GPD2: variants seen among roughly 807,000 people sequenced by gnomAD.
The protein encoded by GPD2 is glycerol-3-phosphate dehydrogenase, mitochondrial.
Under a neutral mutation model 82.4 loss-of-function variants are expected in GPD2, and 54 were observed. The ratio of observed to expected loss-of-function variants is 0.66; its 90% CI spans 0.53 to 0.82. GPD2 has a LOEUF of 0.82. GPD2 is among the 40% of genes least tolerant of loss of function. The pLI, the probability that GPD2 is intolerant of heterozygous loss-of-function variation, is 0.00. For missense variants in GPD2, 748 were observed against 896.2 expected (o/e 0.83, Z 2.11); for synonymous variants, 288 against 306.1 (o/e 0.94, Z 0.62).
intron 2 of GPD2, among the ~76,000 whole-genome samples, chr2:156,481,781 A>G (rs2105213297): frequency 6.6e-6 from 1 of 152,050 alleles, no homozygotes; most frequent in Admixed American, 6.6e-5. Context: ...TGCCCGGCCT[A>G]TTTCATTCTT....
the GPD2 span, among the ~76,000 whole-genome samples, chr2:156,403,435 C>G: frequency 3.9e-5 from 6 of 152,208 alleles, no homozygotes; most frequent in East Asian, 1.2e-3. Flanking sequence ...TGGAGCTGCC[C>G]CAACCATCCT....
intron 2 of GPD2, among the ~76,000 whole-genome samples, chr2:156,481,509 A>G (rs1267236417): frequency 6.6e-6 from 1 of 151,556 alleles, no homozygotes; most frequent in Admixed American, 6.6e-5. Context: ...CTCTATTTCT[A>G]TGAGCTCAAT....
intron 2 of GPD2, chr2:156,495,635 CT>C: frequency 2.2e-6 from 1 of 453,084 alleles, no homozygotes; most frequent in South Asian, 1.7e-5. Flanking sequence ...ACATGAAGTC[CT>C]TTTTCCTCCT....
chr2:156,485,659 A>G (rs1683911926), intron 2 of GPD2, among the ~76,000 whole-genome samples: 1 of 152,210 alleles, frequency 6.6e-6, no homozygotes, highest in African/African-American at 2.4e-5. Context: ...CTCACATTAC[A>G]GTTCAGTGTG....
Position 156,473,823 on chromosome 2 carries a change from T to C in GPD2, c.-8-2275T>C, listed in dbSNP as rs143199082. Among the ~76,000 whole-genome samples, 425 of 152,292 alleles carry C rather than the reference T, an allele frequency of 2.8e-3. 2 individuals are homozygous for C. The highest frequency in any genetic ancestry group is 9.7e-3 in the African/African-American group (405 of 41,570). On this transcript the variant is annotated intron_variant, in intron 1 of 16. Coordinates refer to ENST00000438166, the MANE Select transcript of GPD2 (RefSeq NM_000408.5). ...TGAGCTATGACAAATGGGTACCTGC[T>C]AAGTTAGGGTTTTTACTATCCCAGC...
chr2:156,501,208 T>G (rs1488834574), intron 3 of GPD2, among the ~76,000 whole-genome samples: 1 of 152,188 alleles, frequency 6.6e-6, no homozygotes, highest in Non-Finnish European at 1.5e-5. Flanking sequence ...AACCTTTATG[T>G]CTTCAGTTCA....
chr2:156,538,714 G>A lies in GPD2; in HGVS notation c.662-10894G>A, dbSNP rs866483794. On this transcript the variant is annotated intron_variant, in intron 6 of 16. Coordinates refer to ENST00000438166, the MANE Select transcript of GPD2 (RefSeq NM_000408.5). The stretch of plus-strand genomic sequence containing the variant: ...CGGGCTCCTGTAGTCCCAGCTACTC[G>A]GGAGGCTGAGGCAGGAGAATGGTGT... Among the ~76,000 whole-genome samples, 29 of 151,548 alleles carry A rather than the reference G, an allele frequency of 1.9e-4. No homozygotes were observed. The South Asian group carries it at 4.4e-3, about 23-fold the overall frequency.
chr2:156,475,955 T>G, intron 1 of GPD2, 143 bp from the exon 2 acceptor site: 6 of 613,044 alleles, frequency 9.8e-6, no homozygotes, highest in African/African-American at 1.8e-5. Context: ...AGTATACACA[T>G]TGGTTTGTTA....
At chr2:156,408,935 G>C in the GPD2 span, among the ~76,000 whole-genome samples, 1 of 152,140 alleles carries the variant, frequency 6.6e-6, no homozygotes, top group Non-Finnish European at 1.5e-5. Flanking sequence ...AGGTGATCAA[G>C]TAAAGATGAG....
intron 13 of GPD2, among the ~76,000 whole-genome samples, chr2:156,578,598 C>A (rs1337898280): frequency 6.6e-6 from 1 of 152,104 alleles, no homozygotes; most frequent in Non-Finnish European, 1.5e-5. Context: ...ACTCTGGTGA[C>A]AAGAAGCCAG....
chr2:156,517,586 G>T (rs1685246216), intron 6 of GPD2, among the ~76,000 whole-genome samples: 1 of 152,144 alleles, frequency 6.6e-6, no homozygotes, highest in African/African-American at 2.4e-5. Flanking sequence ...GAGACCCACA[G>T]CTGGCCATTA....
chr2:156,572,154 C>G (rs4664826), intron 13 of GPD2, among the ~76,000 whole-genome samples: 42,352 of 151,912 alleles, frequency 0.28, 6,367 homozygotes, highest in East Asian at 0.58. Flanking sequence ...TCTCCTTTTA[C>G]CTTCCCAAAA....
At chr2:156,402,318 A>G in the GPD2 span, among the ~76,000 whole-genome samples, 67 of 152,374 alleles carry the variant, frequency 4.4e-4, no homozygotes, top group Non-Finnish European at 9.1e-4. Context: ...TTCTCCATTA[A>G]GATTCATCTT....
At chr2:156,553,465 C>T (rs2105339866) in intron 8 of GPD2, among the ~76,000 whole-genome samples, 1 of 152,076 alleles carries the variant, frequency 6.6e-6, no homozygotes, top group Non-Finnish European at 1.5e-5. Context: ...CATGATTCTT[C>T]AACTTACTGC....
chr2:156,406,503 A>G, the GPD2 span, among the ~76,000 whole-genome samples: 1 of 152,210 alleles, frequency 6.6e-6, no homozygotes, highest in Non-Finnish European at 1.5e-5. Context: ...TGGGCTACCC[A>G]GGAAACCTCA....
chr2:156,411,154 G>T, the GPD2 span, among the ~76,000 whole-genome samples: 1 of 152,154 alleles, frequency 6.6e-6, no homozygotes, highest in Non-Finnish European at 1.5e-5. Flanking sequence ...AAACAAGGGG[G>T]TAAGTAGCTT....
chr2:156,441,655 TAG>T (rs538308454), intron 1 of GPD2, among the ~76,000 whole-genome samples: 1 of 152,336 alleles, frequency 6.6e-6, no homozygotes, highest in South Asian at 2.1e-4. Context: ...CCCTGATTTG[TAG>T]CTAAGTCTAA....
At chr2:156,569,675 G>C (rs984736678) in intron 11 of GPD2, 137 bp downstream of exon 11, 5 of 737,116 alleles carry the variant, frequency 6.8e-6, no homozygotes, top group Non-Finnish European at 1.2e-5. Flanking sequence ...GTTATGGAAG[G>C]AAAAAAAGAT....
intron 3 of GPD2, among the ~76,000 whole-genome samples, chr2:156,500,916 T>C (rs929024248): frequency 9.2e-5 from 14 of 152,190 alleles, no homozygotes; most frequent in Non-Finnish European, 2.1e-4. Context: ...AGAAATTGCT[T>C]CACTCTTTAA....
Sources: allele counts gnomAD v4.1 joint callset (sites outside exome capture counted in the v4.1 genomes callset), GRCh38; gene constraint gnomAD v4.1.1; transcripts MANE v1.5; gene names NCBI Gene and HGNC (gene_info 2026-07-23, HGNC 2026-07-21).